The following SRD5A1 variants were observed in gnomAD, a reference collection of about 807,000 sequenced individuals.
The protein encoded by SRD5A1 is steroid 5 alpha-reductase 1.
Under a neutral mutation model 28.2 loss-of-function variants are expected in SRD5A1, and 22 were observed. That is an observed-to-expected ratio of 0.78 (90% CI 0.56 to 1.12). SRD5A1 has a LOEUF of 1.12. SRD5A1 is among the 50% of genes most tolerant of loss of function. The probability of loss-of-function intolerance (pLI) is 0.00; values close to 1 mark genes in which losing one functional copy is unlikely to be tolerated. For synonymous variants in SRD5A1, 151 were observed against 135.0 expected (o/e 1.12, Z -0.82); for missense variants, 300 against 346.7 (o/e 0.87, Z 1.07).
At chr5:6,633,949 C>G in intron 1 of SRD5A1, 80 bp downstream of exon 1, 1 of 1,498,254 alleles carries the variant, frequency 6.7e-7, no homozygotes, top group East Asian at 2.4e-5. Context: ...GCCCGGTGCC[C>G]TCTCCCCGAA....
chr5:6,665,427 A>T (rs188562636), intron 4 of SRD5A1, among the ~76,000 whole-genome samples: 398 of 152,334 alleles, frequency 2.6e-3, no homozygotes, highest in Non-Finnish European at 4.4e-3. Context: ...TAAGGGCAGG[A>T]GTATGATTGG....
intron 3 of SRD5A1, among the ~76,000 whole-genome samples, chr5:6,661,117 T>C (rs1738985983): frequency 6.6e-6 from 1 of 152,232 alleles, no homozygotes; most frequent in South Asian, 2.1e-4. Context: ...TCTGAATTAT[T>C]TCAAGCTTAC....
In SRD5A1 at chr5:6,674,368, A is replaced by C. The variant is rs1240470552; in HGVS notation, c.*6100A>C. The C allele has an allele frequency of 6.6e-6, 1 of 152,290 alleles. No individual in the cohort carries two copies. Among genetic ancestry groups the C allele is most frequent in the Non-Finnish European group, 1.5e-5 (1 of 68,036 alleles). 9.4% of individuals were successfully genotyped at this position (152,290 alleles called of 1,614,324 possible). ...CTCTAAAAAATTAAATCTATTAAAA[A>C]AAAAACTGAGTGGAAAAAGAGCGTT... On this transcript the variant is annotated 3_prime_UTR_variant, in exon 5 of 5. Transcript: ENST00000274192.
chr5:6,651,734 C>A, intron 1 of SRD5A1, 108 bp from the exon 2 acceptor site: 2 of 1,023,064 alleles, frequency 2.0e-6, no homozygotes, highest in Non-Finnish European at 1.4e-6. Flanking sequence ...CTGAGGATGA[C>A]ATTTGTACAA....
At chr5:6,667,089 C>A (rs1302760770) in intron 4 of SRD5A1, among the ~76,000 whole-genome samples, 1 of 152,204 alleles carries the variant, frequency 6.6e-6, no homozygotes, top group African/African-American at 2.4e-5. Flanking sequence ...CTCTAACCAG[C>A]GAACATGTTT....
In SRD5A1 at chr5:6,670,305, G is replaced by A. The variant is rs371231427; in HGVS notation, c.*2037G>A. The A allele has an allele frequency of 3.3e-5, 5 of 152,200 alleles. No individual in the cohort carries two copies. The highest frequency in any genetic ancestry group is 1.2e-4 in the African/African-American group (5 of 41,448). 9.4% of individuals were successfully genotyped at this position (152,200 alleles called of 1,614,324 possible). A position where few individuals can be genotyped will look rare whatever the true frequency, so the allele number is the denominator to read the frequency against. Reference sequence around the variant, plus strand: ...CTGCCTCAAGCTGCAGGGAAGCCAGGGGGTGGCATGGCCATGGCTTCTCCC... The same window carrying A: ...CTGCCTCAAGCTGCAGGGAAGCCAGAGGGTGGCATGGCCATGGCTTCTCCC... On this transcript the variant is annotated 3_prime_UTR_variant, in exon 5 of 5. Transcript: ENST00000274192.
chr5:6,657,252 G>A (rs1364169613), intron 3 of SRD5A1, among the ~76,000 whole-genome samples: 2 of 152,228 alleles, frequency 1.3e-5, no homozygotes, highest in African/African-American at 4.8e-5. Context: ...AGACGTGATG[G>A]TAGTGTGATA....
intron 1 of SRD5A1, chr5:6,644,995 A>G (rs1738466988): frequency 2.2e-6 from 1 of 455,832 alleles, no homozygotes; most frequent in Admixed American, 2.4e-5. Context: ...TGATGACACA[A>G]CATCTGAATG....
intron 2 of SRD5A1, chr5:6,653,566 A>G (rs1738748966): frequency 6.6e-6 from 1 of 152,238 alleles, no homozygotes; most frequent in South Asian, 2.1e-4. Context: ...CAGCTGGCCC[A>G]AGACATCTAG....
At chr5:6,640,520 C>A (rs1464422159) in intron 1 of SRD5A1, among the ~76,000 whole-genome samples, 1 of 142,294 alleles carries the variant, frequency 7.0e-6, no homozygotes, top group African/African-American at 2.7e-5. Flanking sequence ...TGATGAAAAG[C>A]AAGTCTTATT....
At position 6,668,419 on chromosome 5, in the gene SRD5A1, T is replaced by C. The variant is rs1739256369; in HGVS notation, c.*151T>C. The C allele has an allele frequency of 3.9e-6, 2 of 518,070 alleles. No individual in the cohort carries two copies. Among genetic ancestry groups the C allele is most frequent in the Admixed American group, 4.0e-5 (1 of 24,906 alleles). The allele number at this position is 518,070 out of a possible 1,614,324, so 32.1% of individuals were successfully genotyped here. A position where few individuals can be genotyped will look rare whatever the true frequency, so the allele number is the denominator to read the frequency against. ...AATTTTTTTTCTAGTAATTTTGCAA[T>C]CTACCTAATAAGTACCTAAATACGC... On this transcript the variant is annotated 3_prime_UTR_variant, in exon 5 of 5. Coordinates refer to ENST00000274192, the MANE Select transcript of SRD5A1 (RefSeq NM_001047.4).
chr5:6,660,839 TG>T (rs1355502911), intron 3 of SRD5A1, among the ~76,000 whole-genome samples: 1 of 152,204 alleles, frequency 6.6e-6, no homozygotes, highest in African/African-American at 2.4e-5. Flanking sequence ...TCCGCATGGC[TG>T]GGGAGGACTC....
At chr5:6,655,995 T>C (rs1738819624) in intron 2 of SRD5A1, 83 bp from the exon 3 acceptor site, 4 of 988,168 alleles carry the variant, frequency 4.0e-6, no homozygotes, top group Non-Finnish European at 6.4e-6. Context: ...AGGGTTGCAA[T>C]AATACTGTTC....
Position 6,657,458 on chromosome 5 carries a change from G to C in SRD5A1, c.562+1279G>C, listed in dbSNP as rs1738866804. 3.3e-5 allele frequency among the ~76,000 whole-genome samples: 5 copies of C among 152,208 alleles called. No homozygotes were observed. The South Asian group carries it at 1.0e-3, about 31-fold the overall frequency. ...TGGGAGAGCACAGTGTAAGCTGGAT[G>C]GTGGCCCCCTCGCTTCCTGCCCAGC... is the stretch of plus-strand genomic sequence containing the variant. On this transcript the variant is annotated intron_variant, in intron 3 of 4. Transcript: ENST00000274192.
intron 1 of SRD5A1, among the ~76,000 whole-genome samples, chr5:6,642,818 C>T (rs1014296918): frequency 6.6e-6 from 1 of 152,184 alleles, no homozygotes; most frequent in African/African-American, 2.4e-5. Flanking sequence ...ATTAAGCCAT[C>T]AAACTGGTGT....
intron 1 of SRD5A1, among the ~76,000 whole-genome samples, chr5:6,635,563 G>GGGA (rs1738160035): frequency 6.6e-6 from 1 of 152,176 alleles, no homozygotes; most frequent in Non-Finnish European, 1.5e-5. Flanking sequence ...ACCCCCCTGT[G>GGGA]GGATCACATG....
intron 2 of SRD5A1, 28 bp downstream of exon 2, chr5:6,652,036 C>G (rs1413820402): frequency 1.3e-6 from 2 of 1,597,338 alleles, no homozygotes; most frequent in Middle Eastern, 1.7e-4. Flanking sequence ...TGAACTCCGC[C>G]TTGTTCACAT....
chr5:6,657,774 AGGGT>A lies in SRD5A1; in HGVS notation c.562+1596_562+1599del, dbSNP rs1738877025. On this transcript the variant is annotated intron_variant, in intron 3 of 4. Transcript: ENST00000274192. ...GAAAGGCCTGCGGTGCCTTATACAG[AGGGT>A]CCTGTCCACTGTTCCACAGTAGTTG... Among the ~76,000 whole-genome samples, 4 of 152,290 alleles carry A rather than the reference AGGGT, an allele frequency of 2.6e-5. No individual in the cohort carries two copies. In the South Asian group the frequency reaches 8.3e-4, roughly 32 times the overall value.
intron 4 of SRD5A1, among the ~76,000 whole-genome samples, chr5:6,667,193 T>C (rs1167391581): frequency 1.9e-4 from 29 of 152,234 alleles, no homozygotes; most frequent in Admixed American, 1.9e-3. Context: ...CTGAGCCACG[T>C]AGCTGGAAAG....
Sources: allele counts gnomAD v4.1 joint callset (sites outside exome capture counted in the v4.1 genomes callset), GRCh38; gene constraint gnomAD v4.1.1; transcripts MANE v1.5; gene names NCBI Gene and HGNC (gene_info 2026-07-23, HGNC 2026-07-21).